PLCL2: variants seen among roughly 807,000 people sequenced by gnomAD.
The protein encoded by PLCL2 is inactive phospholipase C-like protein 2.
Under a neutral mutation model 79.6 loss-of-function variants are expected in PLCL2, and 4 were observed. That is an observed-to-expected ratio of 0.05 (90% CI 0.02 to 0.11). The LOEUF (loss-of-function observed/expected upper bound fraction) is 0.11. Among genes scored for constraint, PLCL2 ranks in the 10% least tolerant of loss-of-function variants. The probability of loss-of-function intolerance (pLI) is 1.00; values close to 1 mark genes in which losing one functional copy is unlikely to be tolerated. For missense variants in PLCL2, 895 were observed against 1,291.0 expected (o/e 0.69, Z 4.70); for synonymous variants, 484 against 457.7 (o/e 1.06, Z -0.73).
At chr3:17,023,084 C>A (rs2064473816) in intron 3 of PLCL2, among the ~76,000 whole-genome samples, 1 of 152,168 alleles carries the variant, frequency 6.6e-6, no homozygotes, top group Admixed American at 6.5e-5. Context: ...TCTAAAGCCA[C>A]CATCCTCTCC....
intron 4 of PLCL2, among the ~76,000 whole-genome samples, chr3:17,053,761 G>A (rs563645379): frequency 6.6e-6 from 1 of 152,254 alleles, no homozygotes; most frequent in East Asian, 1.9e-4. Flanking sequence ...GGGACTACAG[G>A]GAGCAGTGTC....
At chr3:16,963,209 A>G (rs929231426) in intron 1 of PLCL2, among the ~76,000 whole-genome samples, 2 of 152,144 alleles carry the variant, frequency 1.3e-5, no homozygotes, top group African/African-American at 4.8e-5. Flanking sequence ...GACCTAATAC[A>G]TAGGTAATGC....
chr3:16,948,237 A>G (rs2063619194), intron 1 of PLCL2, among the ~76,000 whole-genome samples: 1 of 152,172 alleles, frequency 6.6e-6, no homozygotes, highest in African/African-American at 2.4e-5. Context: ...TGAAAACATT[A>G]TGCTAAGTAA....
intron 2 of PLCL2, among the ~76,000 whole-genome samples, chr3:17,013,987 T>C (rs1310746076): frequency 6.6e-6 from 1 of 152,364 alleles, no homozygotes; most frequent in East Asian, 1.9e-4. Context: ...GTAATAAATA[T>C]GCCTAGTATG....
chr3:16,991,008 G>C (rs564173314), intron 1 of PLCL2, among the ~76,000 whole-genome samples: 1 of 152,166 alleles, frequency 6.6e-6, no homozygotes, highest in Non-Finnish European at 1.5e-5. Context: ...GGGATGCAGC[G>C]TTTGCTGGAG....
intron 4 of PLCL2, among the ~76,000 whole-genome samples, chr3:17,058,645 A>C (rs1208033593): frequency 6.6e-6 from 1 of 152,138 alleles, no homozygotes; most frequent in African/African-American, 2.4e-5. Flanking sequence ...TTTGGGAGCT[A>C]TCATTGCAAA....
In PLCL2 at chr3:17,049,252, C is replaced by G. The variant is rs146190398; in HGVS notation, c.3094+6303C>G. Among the ~76,000 whole-genome samples, 1,517 of 152,154 alleles carry G rather than the reference C, an allele frequency of 1.0e-2. 28 individuals carry two copies. Among genetic ancestry groups the G allele is most frequent in the African/African-American group, 0.034 (1,403 of 41,506 alleles). On this transcript the variant is annotated intron_variant, in intron 4 of 5. Coordinates refer to ENST00000615277, the MANE Select transcript of PLCL2 (RefSeq NM_001144382.2). ...GGATCCAAAGCTAGAGAATTTAATG[C>G]CAGCAAAGGATGGTTTGATAATTTT...
At chr3:16,931,090 C>T (rs1032857417) in intron 1 of PLCL2, among the ~76,000 whole-genome samples, 1 of 151,994 alleles carries the variant, frequency 6.6e-6, no homozygotes, top group Non-Finnish European at 1.5e-5. Flanking sequence ...ACATCCTTGG[C>T]AAGCCATTCC....
chr3:16,965,922 C>T (rs2063801940), intron 1 of PLCL2, among the ~76,000 whole-genome samples: 2 of 152,194 alleles, frequency 1.3e-5, no homozygotes, highest in Non-Finnish European at 2.9e-5. Context: ...AGATTTGGGG[C>T]TGAGACGATG....
intron 1 of PLCL2, among the ~76,000 whole-genome samples, chr3:16,920,883 T>G (rs1436178477): frequency 6.6e-6 from 1 of 152,086 alleles, no homozygotes; most frequent in East Asian, 2.0e-4. Context: ...AATTCCACAT[T>G]TATAGCTTTC....
intron 1 of PLCL2, among the ~76,000 whole-genome samples, chr3:16,964,305 A>G (rs1000669614): frequency 6.6e-6 from 1 of 151,910 alleles, no homozygotes; most frequent in Admixed American, 6.6e-5. Flanking sequence ...TTTCCTGAGA[A>G]TGATGGTTTC....
In PLCL2 at chr3:16,885,344, C is replaced by G. The variant is rs1241889953; in HGVS notation, c.305C>G (p.Pro102Arg). ...LPRESKPGGL[P>R]RRSSIIKDGT... Reference sequence around the variant, plus strand: ...CGGGAGAGCAAGCCGGGCGGCCTGCCCCGCCGGAGCAGCATCATCAAGGTA... The same window carrying G: ...CGGGAGAGCAAGCCGGGCGGCCTGCGCCGCCGGAGCAGCATCATCAAGGTA... Residue 102 changes from proline (P) to arginine (R), a missense_variant, in exon 1 of 6, where the codon CCC becomes CGC. Pro to Arg is a moderately radical substitution (Grantham distance 103). Transcript: ENST00000615277. 1 of 651,244 alleles carries G rather than the reference C, an allele frequency of 1.5e-6. No individual in the cohort carries two copies. Among genetic ancestry groups the G allele is most frequent in the South Asian group, 1.6e-5 (1 of 62,422 alleles). 40.3% of individuals were successfully genotyped at this position (651,244 alleles called of 1,614,324 possible).
At chr3:16,901,569 A>G (rs79763738) in intron 1 of PLCL2, among the ~76,000 whole-genome samples, 4,842 of 152,270 alleles carry the variant, frequency 0.032, 118 homozygotes, top group South Asian at 0.056. Flanking sequence ...CTTTGTCTTG[A>G]GACCTGTACA....
chr3:16,996,904 A>T (rs184140698), intron 1 of PLCL2, among the ~76,000 whole-genome samples: 19 of 152,320 alleles, frequency 1.2e-4, no homozygotes, highest in Middle Eastern at 3.4e-3. Flanking sequence ...CTGTCCTTGT[A>T]CTATCAACTT....
At chr3:17,038,501 T>C (rs1043999724) in intron 3 of PLCL2, among the ~76,000 whole-genome samples, 1 of 152,212 alleles carries the variant, frequency 6.6e-6, no homozygotes, top group African/African-American at 2.4e-5. Flanking sequence ...GAAAACAAGA[T>C]AAAGTAGTTT....
intron 1 of PLCL2, among the ~76,000 whole-genome samples, chr3:16,973,681 T>A (rs1210609112): frequency 6.6e-6 from 1 of 152,220 alleles, no homozygotes; most frequent in Admixed American, 6.5e-5. Context: ...TCTGCTGCTG[T>A]TGTCAGTATT....
In PLCL2 at chr3:16,887,362, A is replaced by T. The variant is rs1302123960; in HGVS notation, c.327+1996A>T. On this transcript the variant is annotated intron_variant, in intron 1 of 5. Coordinates refer to ENST00000615277, the MANE Select transcript of PLCL2 (RefSeq NM_001144382.2). The surrounding 1 kb of genome is among the most constrained non-coding windows in gnomAD (Gnocchi z 4.1). The stretch of plus-strand genomic sequence containing the variant: ...TGCTTATTGAATGAATGGAGAAAGT[A>T]CATGTTTTCTCTGAGTTCTGTTAAT... Among the ~76,000 whole-genome samples the T allele has an allele frequency of 6.6e-6, 1 of 152,232 alleles. No individual in the cohort carries two copies. The highest frequency in any genetic ancestry group is 1.5e-5 in the Non-Finnish European group (1 of 68,032).
chr3:16,926,237 C>CA (rs1344140419), intron 1 of PLCL2, among the ~76,000 whole-genome samples: 1 of 151,970 alleles, frequency 6.6e-6, no homozygotes, highest in Non-Finnish European at 1.5e-5. Context: ...CTCAAACAAA[C>CA]AAAAAAAGCC....
In PLCL2 at chr3:17,014,725, C is replaced by T. The variant is rs749746465; in HGVS notation, c.2832C>T (p.Phe944=). The T allele has an allele frequency of 1.9e-6, 3 of 1,613,502 alleles. No homozygotes were observed. The highest frequency in any genetic ancestry group is 1.1e-5 in the South Asian group (1 of 91,074). Residue 944 remains phenylalanine, a synonymous_variant, in exon 3 of 6, where the codon TTC becomes TTT. Coordinates refer to ENST00000615277, the MANE Select transcript of PLCL2 (RefSeq NM_001144382.2). ...RENMQNAVVS[F]KELCGLSSVA... ...TTTAACAGAATGCGGTGGTGTCATT[C>T]AAGGAGCTGTGTGGCCTCTCCTCTG...
Sources: gnomAD v4.1 joint callset for allele counts (sites outside exome capture counted in the v4.1 genomes callset) on GRCh38, gnomAD v4.1.1 for gene constraint, Gnocchi (gnomAD v3.1) non-coding constraint, MANE v1.5 for transcripts, NCBI Gene and HGNC (gene_info 2026-07-23, HGNC 2026-07-21) for gene names.